ADD2: variants seen among roughly 807,000 people sequenced by gnomAD.
The protein encoded by ADD2 is beta-adducin.
In ADD2, 23 loss-of-function variants were observed where a neutral mutation model predicts 83.0. The ratio of observed to expected loss-of-function variants is 0.28; its 90% CI spans 0.20 to 0.39. The LOEUF is 0.39. ADD2 is among the 10% of genes least tolerant of loss of function. ADD2 has a pLI of 1.00. For missense variants in ADD2, 758 were observed against 944.9 expected (o/e 0.80, Z 2.59); for synonymous variants, 375 against 375.4 (o/e 1.00, Z 0.01).
At chr2:70,755,694 A>G (rs1458155768) in intron 1 of ADD2, among the ~76,000 whole-genome samples, 1 of 152,176 alleles carries the variant, frequency 6.6e-6, no homozygotes, top group Non-Finnish European at 1.5e-5. Flanking sequence ...AATATTTTTT[A>G]TTTAGCCCTC....
At position 70,739,851 on chromosome 2, in the gene ADD2, CA is replaced by C. The variant is rs547948518; in HGVS notation, c.-153-26668del. On this transcript the variant is annotated intron_variant, in intron 1 of 15. Transcript: ENST00000264436. Reference sequence around the variant, plus strand: ...CACATGGACACAAAGAAAGGAACAGCAAACACTGGGGCCTACTTGAGGGTGG... The same window carrying C: ...CACATGGACACAAAGAAAGGAACAGCAACACTGGGGCCTACTTGAGGGTGG... Among the ~76,000 whole-genome samples the C allele has an allele frequency of 5.3e-4, 81 of 152,256 alleles. No individual in the cohort carries two copies. The South Asian group carries it at 0.017, about 31-fold the overall frequency.
At chr2:70,742,414 T>C (rs570333623) in intron 1 of ADD2, among the ~76,000 whole-genome samples, 1 of 152,294 alleles carries the variant, frequency 6.6e-6, no homozygotes, top group African/African-American at 2.4e-5. Flanking sequence ...AACTAAGTTG[T>C]AGGTGTTCTT....
chr2:70,714,532 G>C (rs1441378010), intron 1 of ADD2, among the ~76,000 whole-genome samples: 1 of 152,238 alleles, frequency 6.6e-6, no homozygotes, highest in Non-Finnish European at 1.5e-5. Context: ...GATGGTCCCT[G>C]AGCCCAGTCC....
chr2:70,751,688 C>T (rs1030259335), intron 1 of ADD2, among the ~76,000 whole-genome samples: 7 of 152,152 alleles, frequency 4.6e-5, no homozygotes, highest in African/African-American at 9.7e-5. Context: ...CGAAACAACT[C>T]GATTCTTTTA....
intron 15 of ADD2, among the ~76,000 whole-genome samples, chr2:70,672,423 C>T (rs558078589): frequency 3.3e-5 from 5 of 152,284 alleles, no homozygotes; most frequent in South Asian, 4.1e-4. Flanking sequence ...GTTAAAGCTC[C>T]GCAAGTGATT....
rs1481833917 is a variant in ADD2 at position 70,661,288 on chromosome 2, CATA to C, written c.*2134_*2136del. 6.6e-6 allele frequency: 1 copy of C among 152,212 alleles called. No homozygotes were observed. Among genetic ancestry groups the C allele is most frequent in the Non-Finnish European group, 1.5e-5 (1 of 68,040 alleles). The allele number at this position is 152,212 out of a possible 1,614,324, so 9.4% of individuals were successfully genotyped here. On this transcript the variant is annotated 3_prime_UTR_variant, in exon 16 of 16. Coordinates refer to ENST00000264436, the MANE Select transcript of ADD2 (RefSeq NM_001617.4). ...AATGATGGCTCTCTTTCAACGTCAG[CATA>C]ATGCCTGGTGCTCAGTGGATCCTTA... is the stretch of plus-strand genomic sequence containing the variant.
Position 70,744,329 on chromosome 2 carries a change from C to T in ADD2, c.-154+23557G>A, listed in dbSNP as rs1674072682. Among the ~76,000 whole-genome samples the T allele has an allele frequency of 2.0e-5, 3 of 152,196 alleles. 1 individual carries two copies. The South Asian group carries it at 6.2e-4, about 32-fold the overall frequency. On this transcript the variant is annotated intron_variant, in intron 1 of 15. Coordinates refer to ENST00000264436, the MANE Select transcript of ADD2 (RefSeq NM_001617.4). ...AGAATGTCTTTGTTTTCAGGAAACACACATTGAAGTATTTATTATAGCATG... is the reference window on the plus strand; with the variant it reads ...AGAATGTCTTTGTTTTCAGGAAACATACATTGAAGTATTTATTATAGCATG...
rs1675619428 is a variant in ADD2, at chr2:70,663,495, T to C, written c.2111A>G (p.Lys704Arg). ...PEGSPSKSPS[K>R]KKKKFRTPSF... ...GGGGGTTCGGAATTTCTTTTTCTTC[T>C]TTGAGGGAGACTTGGAAGGTGAGCC... Residue 704 changes from lysine to arginine, a missense_variant, in exon 16 of 16, where the codon AAG (lysine) becomes AGG (arginine). By Grantham distance (26) the Lys-to-Arg change is conservative. This residue lies in a region of ADD2 where 165 missense variants were observed against 176.2 expected (regional missense o/e 0.94). Coordinates refer to ENST00000264436, the MANE Select transcript of ADD2 (RefSeq NM_001617.4). 2 of 1,614,146 alleles carry C rather than the reference T, an allele frequency of 1.2e-6. No individual in the cohort carries two copies. Among genetic ancestry groups the C allele is most frequent in the African/African-American group, 2.7e-5 (2 of 75,032 alleles).
intron 1 of ADD2, among the ~76,000 whole-genome samples, chr2:70,752,335 T>C (rs1361950119): frequency 6.6e-6 from 1 of 152,212 alleles, no homozygotes; most frequent in Admixed American, 6.5e-5. Context: ...CAAATAATTA[T>C]TTATTGCCTT....
At position 70,706,186 on chromosome 2, in the gene ADD2, G is replaced by A. The variant is rs1671876026; in HGVS notation, c.183+40C>T. On this transcript the variant is annotated intron_variant, in intron 3 of 15. Transcript: ENST00000264436. The surrounding 1 kb of genome is among the most constrained non-coding windows in gnomAD (Gnocchi z 5.0). ...TGGGTACACGTCCTGAAGAGCCAGC[G>A]CCCCCTGCGCCCTCTCCCGCCCGGG... The A allele has an allele frequency of 3.1e-6, 5 of 1,598,890 alleles. No homozygotes were observed. In the Admixed American group the frequency reaches 5.1e-5, roughly 16 times the overall value.
At chr2:70,664,738 A>AGTGTGTGTGAGTGTGCAT (rs1675691482) in intron 15 of ADD2, among the ~76,000 whole-genome samples, 1 of 148,142 alleles carries the variant, frequency 6.8e-6, no homozygotes, top group Non-Finnish European at 1.5e-5. Flanking sequence ...TGAGTGTGCA[A>AGTGTGTGTGAGTGTGCAT]GTGTGTGTGT....
At chr2:70,682,225 A>T (rs937583810) in intron 10 of ADD2, among the ~76,000 whole-genome samples, 2 of 152,230 alleles carry the variant, frequency 1.3e-5, no homozygotes, top group African/African-American at 4.8e-5. Context: ...GTCTAAATAT[A>T]TTACAATTAT....
At chr2:70,763,072 T>A (rs1675201481) in intron 1 of ADD2, among the ~76,000 whole-genome samples, 1 of 152,042 alleles carries the variant, frequency 6.6e-6, no homozygotes, top group Non-Finnish European at 1.5e-5. Flanking sequence ...AAAGAAAAGT[T>A]TAAAATAAAT....
At chr2:70,670,971 G>A (rs1669869114) in intron 15 of ADD2, among the ~76,000 whole-genome samples, 1 of 152,214 alleles carries the variant, frequency 6.6e-6, no homozygotes, top group African/African-American at 2.4e-5. Context: ...GCTATAGGGT[G>A]TAAAATGTCA....
rs533796345 is a variant in ADD2, at chr2:70,663,195, C to T, written c.*230G>A. 2.1e-4 allele frequency: 112 copies of T among 528,150 alleles called. 1 individual carries two copies. The highest frequency in any genetic ancestry group is 2.1e-4 in the Non-Finnish European group (62 of 295,900). The allele number at this position is 528,150 out of a possible 1,614,324, so 32.7% of individuals were successfully genotyped here. A position where few individuals can be genotyped will look rare whatever the true frequency, so the allele number is the denominator to read the frequency against. On this transcript the variant is annotated 3_prime_UTR_variant, in exon 16 of 16. Coordinates refer to ENST00000264436, the MANE Select transcript of ADD2 (RefSeq NM_001617.4). ...GACTGGAAGTCAGGAGACCTGAATT[C>T]GAGTGCAGGCTCTGCCGCTAACTAG... is the stretch of plus-strand genomic sequence containing the variant.
At chr2:70,718,419 AAC>A (rs1265925968) in intron 1 of ADD2, among the ~76,000 whole-genome samples, 1 of 152,210 alleles carries the variant, frequency 6.6e-6, no homozygotes, top group Non-Finnish European at 1.5e-5. Flanking sequence ...ATGCAAGTGA[AAC>A]ATACATAGAT....
chr2:70,706,903 C>T lies in ADD2; in HGVS notation c.-34-461G>A, dbSNP rs1671935295. 6.6e-6 allele frequency among the ~76,000 whole-genome samples: 1 copy of T among 152,136 alleles called. No homozygotes were observed. Among genetic ancestry groups the T allele is most frequent in the African/African-American group, 2.4e-5 (1 of 41,426 alleles). The stretch of plus-strand genomic sequence containing the variant: ...AGCTAATGCATGCTGGGCTTAACAC[C>T]TAGGTAATGGGTTGATAGGCGCAGC... On this transcript the variant is annotated intron_variant, in intron 2 of 15. Coordinates refer to ENST00000264436, the MANE Select transcript of ADD2 (RefSeq NM_001617.4). The surrounding 1 kb of genome is among the most constrained non-coding windows in gnomAD (Gnocchi z 5.0).
intron 4 of ADD2, among the ~76,000 whole-genome samples, chr2:70,703,830 G>C (rs1671740384): frequency 6.6e-6 from 1 of 152,190 alleles, no homozygotes; most frequent in African/African-American, 2.4e-5. Context: ...ACAGTAGAAT[G>C]ATTTCTGCTT....
rs1275092848 is a variant in ADD2 at position 70,661,919 on chromosome 2, T to A, written c.*1506A>T. 6.6e-6 allele frequency: 1 copy of A among 152,222 alleles called. No homozygotes were observed. The highest frequency in any genetic ancestry group is 1.5e-5 in the Non-Finnish European group (1 of 68,032). 9.4% of individuals were successfully genotyped at this position (152,222 alleles called of 1,614,324 possible). On this transcript the variant is annotated 3_prime_UTR_variant, in exon 16 of 16. Coordinates refer to ENST00000264436, the MANE Select transcript of ADD2 (RefSeq NM_001617.4). ...AGCTGGGACAAGTCAATTATCATTTTAGGGGGTCAATTTCCTCACCCACAA... is the reference window on the plus strand; with the variant it reads ...AGCTGGGACAAGTCAATTATCATTTAAGGGGGTCAATTTCCTCACCCACAA...
Sources: gnomAD v4.1 joint callset for allele counts (sites outside exome capture counted in the v4.1 genomes callset) on GRCh38, gnomAD v4.1.1 for gene constraint, gnomAD v4.1.1 regional missense constraint, Gnocchi (gnomAD v3.1) non-coding constraint, MANE v1.5 for transcripts, NCBI Gene and HGNC (gene_info 2026-07-23, HGNC 2026-07-21) for gene names.